ARID4B: variants seen among roughly 807,000 people sequenced by gnomAD.
The protein encoded by ARID4B is AT-rich interactive domain-containing protein 4B.
A neutral mutation model predicts 147.5 loss-of-function variants in ARID4B; 26 were observed. The observed-to-expected ratio is 0.18, with a 90% CI of 0.13 to 0.24. ARID4B has a LOEUF of 0.24. ARID4B is among the 10% of genes least tolerant of loss of function. The pLI, the probability that ARID4B is intolerant of heterozygous loss-of-function variation, is 1.00. For synonymous variants in ARID4B, 512 were observed against 507.9 expected (o/e 1.01, Z -0.11); for missense variants, 1,179 against 1,511.5 (o/e 0.78, Z 3.65).
intron 4 of ARID4B, among the ~76,000 whole-genome samples, chr1:235,256,226 A>G (rs1406326353): frequency 1.3e-5 from 2 of 150,258 alleles, no homozygotes; most frequent in African/African-American, 2.5e-5. Flanking sequence ...TTTTTGTACC[A>G]TCAGTGAAAA....
At chr1:235,285,531 G>T (rs1404039221) in intron 2 of ARID4B, among the ~76,000 whole-genome samples, 1 of 152,184 alleles carries the variant, frequency 6.6e-6, no homozygotes, top group Non-Finnish European at 1.5e-5. Flanking sequence ...AAGACTGAAT[G>T]CTTTTCCCTA....
intron 14 of ARID4B, among the ~76,000 whole-genome samples, chr1:235,220,876 A>G (rs1667419830): frequency 6.8e-6 from 1 of 147,270 alleles, no homozygotes; most frequent in African/African-American, 2.5e-5. Context: ...GGCACACAGC[A>G]GCATCCTTTT....
intron 8 of ARID4B, 101 bp downstream of exon 8, chr1:235,240,212 T>G: frequency 9.3e-7 from 1 of 1,079,638 alleles, no homozygotes; most frequent in East Asian, 2.5e-5. Flanking sequence ...GCTAAAAACA[T>G]TTCCTCATTT....
At chr1:235,256,552 C>T (rs563512502) in intron 4 of ARID4B, among the ~76,000 whole-genome samples, 2 of 152,344 alleles carry the variant, frequency 1.3e-5, no homozygotes. Context: ...ATTTATTTCA[C>T]TTGCCAATGA....
At chr1:235,300,388 G>C (rs1673032155) in intron 2 of ARID4B, among the ~76,000 whole-genome samples, 1 of 149,950 alleles carries the variant, frequency 6.7e-6, no homozygotes, top group Admixed American at 6.7e-5. Context: ...CTGCACTCCA[G>C]CCTGGGCGAC....
chr1:235,258,246 C>G (rs941280448), intron 3 of ARID4B, among the ~76,000 whole-genome samples: 27 of 152,118 alleles, frequency 1.8e-4, no homozygotes, highest in African/African-American at 6.3e-4. Context: ...GCAGGAGAAT[C>G]ACTTGAACCA....
chr1:235,223,377 A>C (rs1667607498), intron 12 of ARID4B, 117 bp from the exon 13 acceptor site: 1 of 252,942 alleles, frequency 4.0e-6, no homozygotes, highest in Non-Finnish European at 7.3e-6. Context: ...ACGTATATAT[A>C]TATATACACG....
At chr1:235,229,733 AAC>A (rs1668080510) in intron 10 of ARID4B, among the ~76,000 whole-genome samples, 3 of 152,218 alleles carry the variant, frequency 2.0e-5, no homozygotes, top group Non-Finnish European at 4.4e-5. Flanking sequence ...TTATGCAACA[AAC>A]AATTATCAAA....
At chr1:235,267,687 C>G (rs946013878) in intron 2 of ARID4B, among the ~76,000 whole-genome samples, 3 of 151,874 alleles carry the variant, frequency 2.0e-5, no homozygotes, top group African/African-American at 7.3e-5. Flanking sequence ...AAAAAATTAG[C>G]CGGGTGTGGT....
At chr1:235,260,545 A>G in intron 3 of ARID4B, 97 bp downstream of exon 3, 2 of 843,162 alleles carry the variant, frequency 2.4e-6, no homozygotes, top group Non-Finnish European at 3.5e-6. Flanking sequence ...CACTCCTAGA[A>G]ACTTATTTTG....
chr1:235,194,150 C>T lies in ARID4B; in HGVS notation c.1988G>A (p.Arg663Gln), dbSNP rs746493341. Reference sequence around the variant, plus strand: ...CTGAAATGGTGGTTTGGACAAGCGCCGAAGTTTACAGTTTTTTGGAGAGTA... The same window carrying T: ...CTGAAATGGTGGTTTGGACAAGCGCTGAAGTTTACAGTTTTTTGGAGAGTA... ...EKYSPKNCKL[R>Q]RLSKPPFQTN... is the part of the protein sequence containing the mutation. Residue 663 changes from arginine (R) to glutamine (Q), a missense_variant, in exon 19 of 24, where the codon CGG (arginine) becomes CAG (glutamine). Physicochemically the swap from Arg to Gln is conservative, Grantham distance 43 (BLOSUM62 1). Around this residue, in one of 10 missense-constraint regions of ARID4B, gnomAD observed 321 missense variants for 342.4 expected, o/e 0.94. Coordinates refer to ENST00000264183, the MANE Select transcript of ARID4B (RefSeq NM_016374.6). The T allele has an allele frequency of 6.8e-6, 11 of 1,613,296 alleles. No homozygotes were observed. The highest frequency in any genetic ancestry group is 4.5e-5 in the East Asian group (2 of 44,838).
At chr1:235,263,688 G>C (rs971875036) in intron 2 of ARID4B, among the ~76,000 whole-genome samples, 5 of 152,080 alleles carry the variant, frequency 3.3e-5, no homozygotes, top group Non-Finnish European at 5.9e-5. Flanking sequence ...AATGCCTTTA[G>C]AAAGACTTGC....
chr1:235,226,527 ATT>A (rs1275162543), intron 11 of ARID4B, among the ~76,000 whole-genome samples: 3 of 131,272 alleles, frequency 2.3e-5, no homozygotes, highest in Admixed American at 7.6e-5. Context: ...CGCCCAGCTA[ATT>A]TTTTTTTTTT....
intron 19 of ARID4B, among the ~76,000 whole-genome samples, chr1:235,183,168 G>A (rs1016310990): frequency 1.3e-5 from 2 of 151,104 alleles, no homozygotes; most frequent in African/African-American, 2.4e-5. Context: ...AGAAAATAGT[G>A]GAGTCAGGAT....
At chr1:235,170,374 G>C (rs189862111) in intron 23 of ARID4B, among the ~76,000 whole-genome samples, 19 of 152,178 alleles carry the variant, frequency 1.2e-4, no homozygotes, top group African/African-American at 4.6e-4. Flanking sequence ...TGTTCTACAG[G>C]AATTTTATCT....
intron 2 of ARID4B, among the ~76,000 whole-genome samples, chr1:235,317,881 C>A (rs1010721151): frequency 2.0e-5 from 3 of 152,070 alleles, no homozygotes; most frequent in Non-Finnish European, 2.9e-5. Flanking sequence ...CTTGCCACAA[C>A]ACAAAATACA....
At chr1:235,200,871 C>T (rs532758147) in intron 17 of ARID4B, among the ~76,000 whole-genome samples, 105 of 152,266 alleles carry the variant, frequency 6.9e-4, no homozygotes, top group African/African-American at 2.4e-3. Flanking sequence ...AGGCCAGGCC[C>T]GGTGGCTTAT....
At chr1:235,215,547 A>ATGTGTGTGTGTGTGTGTGTGTGTG (rs370429662) in intron 16 of ARID4B, among the ~76,000 whole-genome samples, 2 of 136,450 alleles carry the variant, frequency 1.5e-5, no homozygotes, top group Non-Finnish European at 3.1e-5. Flanking sequence ...ACACATATAT[A>ATGTGTGTGTGTGTGTGTGTGTGTG]TGTGTGTGTG....
At chr1:235,210,703 G>A (rs16832467) in intron 17 of ARID4B, among the ~76,000 whole-genome samples, 1,562 of 152,238 alleles carry the variant, frequency 0.01, 25 homozygotes, top group African/African-American at 0.033. Context: ...TCTTTTGAAA[G>A]TTCATAGCAT....
Sources: gnomAD v4.1 joint callset for allele counts (sites outside exome capture counted in the v4.1 genomes callset) on GRCh38, gnomAD v4.1.1 for gene constraint, gnomAD v4.1.1 regional missense constraint, MANE v1.5 for transcripts, NCBI Gene and HGNC (gene_info 2026-07-23, HGNC 2026-07-21) for gene names.